Variants in KLRC3 observed in about 807,000 individuals in gnomAD.
The protein encoded by KLRC3 is killer cell lectin like receptor C3.
In KLRC3, 16 loss-of-function variants were observed where a neutral mutation model predicts 23.6. That is an observed-to-expected ratio of 0.68 (90% confidence interval 0.46 to 1.03). The LOEUF (loss-of-function observed/expected upper bound fraction) is 1.03, where lower values mean the gene tolerates loss of function less well. Among genes scored for constraint, KLRC3 ranks in the 50% least tolerant of loss-of-function variants. The probability of loss-of-function intolerance (pLI) is 0.00; values close to 1 mark genes in which losing one functional copy is unlikely to be tolerated. For missense variants in KLRC3, 209 were observed against 232.2 expected (o/e 0.90, Z 0.65); for synonymous variants, 70 against 71.8 (o/e 0.98, Z 0.13).
At chr12:10,415,939 C>T in intron 5 of KLRC3, 145 bp from the exon 6 acceptor site, 1 of 641,256 alleles carries the variant, frequency 1.6e-6, no homozygotes, top group South Asian at 2.0e-5. Flanking sequence ...AGTCATTATT[C>T]TGAACACTCA....
At chr12:10,415,282 C>T (rs1470089286) in intron 6 of KLRC3, among the ~76,000 whole-genome samples, 2 of 152,124 alleles carry the variant, frequency 1.3e-5, no homozygotes, top group African/African-American at 4.8e-5. Context: ...ATCACTGCTA[C>T]TGAAATTTAG....
chr12:10,418,586 A>G, intron 3 of KLRC3, 88 bp from the exon 4 acceptor site: 1 of 1,369,638 alleles, frequency 7.3e-7, no homozygotes, highest in African/African-American at 1.4e-5. Context: ...ATAAACATAT[A>G]TGTGCTTAAC....
At chr12:10,420,277 T>G in intron 1 of KLRC3, 87 bp downstream of exon 1, 1 of 1,398,402 alleles carries the variant, frequency 7.2e-7, no homozygotes, top group Non-Finnish European at 9.8e-7. Context: ...CTCACAAGTG[T>G]AAAATATTCC....
At chr12:10,416,953 A>G (rs1368096056) in intron 4 of KLRC3, among the ~76,000 whole-genome samples, 186 bp from the exon 5 acceptor site, 1 of 152,046 alleles carries the variant, frequency 6.6e-6, no homozygotes, top group Non-Finnish European at 1.5e-5. Context: ...GTTAATAAAG[A>G]CATTTTAATT....
intron 6 of KLRC3, among the ~76,000 whole-genome samples, chr12:10,412,998 C>A (rs1213937363): frequency 6.6e-6 from 1 of 152,138 alleles, no homozygotes; most frequent in African/African-American, 2.4e-5. Context: ...CATTCACACA[C>A]ATATACTCAC....
At chr12:10,418,162 GAAAAT>G (rs780722364) in intron 4 of KLRC3, among the ~76,000 whole-genome samples, 177 bp downstream of exon 4, 2 of 152,064 alleles carry the variant, frequency 1.3e-5, no homozygotes, top group South Asian at 2.1e-4. Context: ...AGCAAAAACT[GAAAAT>G]AAAAGTACAT....
chr12:10,418,523 T>C (rs1226330718), intron 3 of KLRC3, 25 bp from the exon 4 acceptor site: 5 of 1,527,360 alleles, frequency 3.3e-6, no homozygotes, highest in Non-Finnish European at 4.5e-6. Context: ...AATTACTATC[T>C]AGACCAATAT....
At chr12:10,417,769 G>C (rs1327487417) in intron 4 of KLRC3, among the ~76,000 whole-genome samples, 1 of 152,190 alleles carries the variant, frequency 6.6e-6, no homozygotes, top group Admixed American at 6.5e-5. Context: ...TTTGTACATA[G>C]TACAGCAGTG....
Position 10,418,396 on chromosome 12 carries a change from C to T in KLRC3, c.434G>A (p.Cys145Tyr), listed in dbSNP as rs756781927. 2.9e-5 allele frequency: 46 copies of T among 1,612,138 alleles called. No individual in the cohort carries two copies. The highest frequency in any genetic ancestry group is 4.4e-5 in the South Asian group (4 of 91,042). The change falls in exon 4 of 7, where the codon TGT becomes TAT. Residue 145 changes from cysteine (C) to tyrosine (Y), a missense_variant. By Grantham distance (194) the Cys-to-Tyr change is radical. Coordinates refer to ENST00000396439, the MANE Select transcript of KLRC3 (RefSeq NM_002261.3). ...RRTWEESLQA[C>Y]ASKNSSSLLC... ...CAGACTAGAAGAGTTCTTTGAAGCA[C>T]AGGCCTGCAAACTCTCTTCCCAAGT...
At position 10,420,132 on chromosome 12, in the gene KLRC3, C is replaced by T. The variant is rs1189945081; in HGVS notation, c.188-168G>A. Among the ~76,000 whole-genome samples, 4 of 151,764 alleles carry T rather than the reference C, an allele frequency of 2.6e-5. No homozygotes were observed. The East Asian group carries it at 7.8e-4, about 30-fold the overall frequency. On this transcript the variant is annotated intron_variant, in intron 1 of 6. Coordinates refer to ENST00000396439, the MANE Select transcript of KLRC3 (RefSeq NM_002261.3). ...TAGTAATCTTTCTCTCAGAATATAC[C>T]ATTTCATTTTCAGTAAATGTAATGT...
intron 6 of KLRC3, 141 bp downstream of exon 6, chr12:10,415,563 G>T: frequency 7.6e-7 from 1 of 1,315,364 alleles, no homozygotes; most frequent in Non-Finnish European, 1.0e-6. Context: ...AATTGATTTG[G>T]AATTTTCTTA....
rs748412279 is a variant in KLRC3, at chr12:10,415,758, T to C, written c.624A>G (p.Ala208=). ...ATATAAGTCCACGTACATGTAGCAT[T>C]GCACAGTTACGTTCAGCATGATCTG... ...KDSDHAERNC[A]MLHVRGLISD... is the part of the protein sequence containing the mutation. The change falls in exon 6 of 7, where the codon GCA becomes GCG. Residue 208 remains alanine, a synonymous_variant. Coordinates refer to ENST00000396439, the MANE Select transcript of KLRC3 (RefSeq NM_002261.3). 6.2e-7 allele frequency: 1 copy of C among 1,612,656 alleles called. No individual in the cohort carries two copies. The highest frequency in any genetic ancestry group is 8.5e-7 in the Non-Finnish European group (1 of 1,179,320).
rs1591600245 is a variant in KLRC3, at chr12:10,415,726, T to C, written c.656A>G (p.Gln219Arg). The change falls in exon 6 of 7, where the codon CAG becomes CGG. Residue 219 changes from glutamine (Q) to arginine (R), a missense_variant. Gln to Arg is a conservative substitution (Grantham distance 43). Around this residue, in one of 4 missense-constraint regions of KLRC3, gnomAD observed 74 missense variants for 51.0 expected, o/e 1.45. Coordinates refer to ENST00000396439, the MANE Select transcript of KLRC3 (RefSeq NM_002261.3). ...MLHVRGLISD[Q>R]CGSSRIIRRG... ...CACAATGATTCTTGAAGATCCACAC[T>C]GGTCTGATATAAGTCCACGTACATG... is the stretch of plus-strand genomic sequence containing the variant. 6 of 1,613,784 alleles carry C rather than the reference T, an allele frequency of 3.7e-6. No homozygotes were observed. Among genetic ancestry groups the C allele is most frequent in the Non-Finnish European group, 5.1e-6 (6 of 1,179,764 alleles).
At position 10,418,347 on chromosome 12, in the gene KLRC3, T is replaced by A. The variant is rs138679266; in HGVS notation, c.483A>T (p.Glu161Asp). 3 of 1,602,124 alleles carry A rather than the reference T, an allele frequency of 1.9e-6. No homozygotes were observed. Among genetic ancestry groups the A allele is most frequent in the African/African-American group, 2.7e-5 (2 of 74,422 alleles). ...GTTTGAAACATTTACATCTTACCAT[T>A]TCTTCTTCATTATCTATACAAAGCA... ...SSLLCIDNEE[E>D]MKFLASILPS... The change falls in exon 4 of 7, where the codon GAA (glutamate) becomes GAT (aspartate). Residue 161 changes from glutamate (E) to aspartate (D), a missense_variant. Around this residue, in one of 4 missense-constraint regions of KLRC3, gnomAD observed 109 missense variants for 113.2 expected, o/e 0.96. Transcript: ENST00000396439.
At chr12:10,418,629 A>C in intron 3 of KLRC3, 131 bp from the exon 4 acceptor site, 1 of 1,097,010 alleles carries the variant, frequency 9.1e-7, no homozygotes, top group Non-Finnish European at 1.3e-6. Flanking sequence ...TTATAAGTAT[A>C]TATTTTTTAA....
chr12:10,413,827 G>GTCCA (rs1337905834), intron 6 of KLRC3, among the ~76,000 whole-genome samples: 1 of 140,460 alleles, frequency 7.1e-6, no homozygotes, highest in African/African-American at 2.7e-5. Flanking sequence ...TCCTCCCTGT[G>GTCCA]TCCATGTGTT....
intron 3 of KLRC3, 75 bp downstream of exon 3, chr12:10,418,969 A>G (rs564052938): frequency 3.2e-6 from 1 of 315,588 alleles, no homozygotes; most frequent in Non-Finnish European, 6.3e-6. Context: ...AAATGCCACT[A>G]TTCTTTTACA....
At chr12:10,418,590 G>T in intron 3 of KLRC3, 92 bp from the exon 4 acceptor site, 1 of 1,333,818 alleles carries the variant, frequency 7.5e-7, no homozygotes, top group Non-Finnish European at 1.0e-6. Flanking sequence ...ACATATATGT[G>T]CTTAACATAT....
At chr12:10,414,931 T>C (rs1279705312) in intron 6 of KLRC3, among the ~76,000 whole-genome samples, 2 of 152,124 alleles carry the variant, frequency 1.3e-5, no homozygotes, top group Non-Finnish European at 2.9e-5. Context: ...AAAGGGAATA[T>C]TAAAATCAGA....
Sources: gnomAD v4.1 joint callset for allele counts (sites outside exome capture counted in the v4.1 genomes callset) on GRCh38, gnomAD v4.1.1 for gene constraint, gnomAD v4.1.1 regional missense constraint, MANE v1.5 for transcripts, NCBI Gene and HGNC (gene_info 2026-07-23, HGNC 2026-07-21) for gene names.